EEF1AKMT1: variants seen among roughly 807,000 people sequenced by gnomAD.
EEF1AKMT1 encodes EEF1A lysine methyltransferase 1, also known as N-6 adenine-specific DNA methyltransferase 2 (putative).
EEF1AKMT1 carries 18 observed loss-of-function variants against 21.0 expected under a neutral mutation model. That is an observed-to-expected ratio of 0.86 (90% confidence interval 0.59 to 1.27). EEF1AKMT1 has a LOEUF of 1.27. Ranked by LOEUF, EEF1AKMT1 falls within the 50% of genes most tolerant of loss-of-function variation. EEF1AKMT1 has a pLI of 0.00. For missense variants in EEF1AKMT1, 246 were observed against 258.6 expected (o/e 0.95, Z 0.33); for synonymous variants, 109 against 94.8 (o/e 1.15, Z -0.87).
At chr13:20,757,378 C>G in intron 2 of EEF1AKMT1, 77 bp downstream of exon 2, 1 of 1,524,620 alleles carries the variant, frequency 6.6e-7, no homozygotes, top group South Asian at 1.2e-5. Flanking sequence ...TTAGGTGAGA[C>G]AGACAAACAC....
intron 2 of EEF1AKMT1, among the ~76,000 whole-genome samples, chr13:20,755,675 T>C (rs2058968085): frequency 6.6e-6 from 1 of 152,240 alleles, no homozygotes; most frequent in Non-Finnish European, 1.5e-5. Flanking sequence ...ATTGGCTCAA[T>C]ATTTTGGTTC....
intron 2 of EEF1AKMT1, among the ~76,000 whole-genome samples, chr13:20,741,187 G>A (rs2058868580): frequency 6.6e-6 from 1 of 151,636 alleles, no homozygotes; most frequent in African/African-American, 2.4e-5. Context: ...GATGCCAGCA[G>A]GCCATCCTTT....
chr13:20,765,397 T>C (rs2141438231), intron 1 of EEF1AKMT1, among the ~76,000 whole-genome samples: 1 of 147,336 alleles, frequency 6.8e-6, no homozygotes, highest in South Asian at 2.1e-4. Context: ...TTCTGTTTCT[T>C]CCCTTGGGTT....
intron 2 of EEF1AKMT1, among the ~76,000 whole-genome samples, chr13:20,740,716 T>C (rs1357102339): frequency 1.3e-5 from 2 of 152,114 alleles, no homozygotes; most frequent in African/African-American, 4.8e-5. Flanking sequence ...GGCAGGAGAA[T>C]CGCTTGAACC....
At chr13:20,771,471 G>A (rs1377134643) in intron 1 of EEF1AKMT1, among the ~76,000 whole-genome samples, 1 of 152,078 alleles carries the variant, frequency 6.6e-6, no homozygotes, top group Non-Finnish European at 1.5e-5. Context: ...CACTGTTCTT[G>A]GTGATGAGTC....
At chr13:20,755,552 T>A (rs1218691056) in intron 2 of EEF1AKMT1, among the ~76,000 whole-genome samples, 2 of 152,214 alleles carry the variant, frequency 1.3e-5, no homozygotes, top group Non-Finnish European at 2.9e-5. Context: ...TCCTAATTGA[T>A]CCCTGTCAAG....
At chr13:20,765,075 C>T (rs1024168096) in intron 1 of EEF1AKMT1, among the ~76,000 whole-genome samples, 1 of 151,930 alleles carries the variant, frequency 6.6e-6, no homozygotes, top group Non-Finnish European at 1.5e-5. Flanking sequence ...GCCTGGTCAA[C>T]ATAACGAAAC....
At chr13:20,769,265 GA>G (rs1425171752) in intron 1 of EEF1AKMT1, 1 of 152,244 alleles carries the variant, frequency 6.6e-6, no homozygotes, top group African/African-American at 2.4e-5. Context: ...ACACATTCAG[GA>G]AACACCTTGC....
intron 4 of EEF1AKMT1, among the ~76,000 whole-genome samples, chr13:20,730,967 C>T (rs1244103466): frequency 6.6e-6 from 1 of 152,188 alleles, no homozygotes. Context: ...CAAGGGTCTG[C>T]CGCTTCTTTC....
Position 20,757,473 on chromosome 13 carries a change from T to G in EEF1AKMT1, c.126A>C (p.Gly42=), listed in dbSNP as rs767938869. ...TACTTACCCAATTCTCTTCTATTAT[T>G]CCAATGTTATATTTATCATCCTCGC... The part of the protein sequence containing the change: ...EPGEDDKYNI[G]IIEENWQLSQ... The change falls in exon 2 of 5, where the codon GGA becomes GGC. Residue 42 remains glycine (G), a synonymous_variant. Transcript: ENST00000382758. 1.9e-6 allele frequency: 3 copies of G among 1,614,130 alleles called. No individual in the cohort carries two copies. The South Asian group carries it at 3.3e-5, about 18-fold the overall frequency.
intron 1 of EEF1AKMT1, among the ~76,000 whole-genome samples, chr13:20,767,259 T>C (rs1434538038): frequency 1.4e-5 from 2 of 139,098 alleles, no homozygotes; most frequent in Non-Finnish European, 3.0e-5. Context: ...CGAGCCTAGA[T>C]CTTGCCACTG....
At chr13:20,735,356 G>C (rs1187823333) in intron 3 of EEF1AKMT1, among the ~76,000 whole-genome samples, 1 of 152,192 alleles carries the variant, frequency 6.6e-6, no homozygotes, top group East Asian at 1.9e-4. Flanking sequence ...CAGAAAACTG[G>C]AGGAGTGTTG....
chr13:20,754,695 A>T (rs963607834), intron 2 of EEF1AKMT1, among the ~76,000 whole-genome samples: 1 of 150,284 alleles, frequency 6.7e-6, no homozygotes, highest in African/African-American at 2.5e-5. Context: ...GATCATTTCA[A>T]GGCCAGCCTG....
At chr13:20,750,113 A>G (rs2058932581) in intron 2 of EEF1AKMT1, among the ~76,000 whole-genome samples, 2 of 152,074 alleles carry the variant, frequency 1.3e-5, no homozygotes, top group African/African-American at 4.8e-5. Context: ...GATACATGTG[A>G]TATTTTGTTA....
chr13:20,762,082 G>A (rs1198868682), intron 1 of EEF1AKMT1, among the ~76,000 whole-genome samples: 1 of 151,844 alleles, frequency 6.6e-6, no homozygotes. Context: ...CTGGGTAACA[G>A]AACGAGAACC....
chr13:20,772,262 T>C (rs748074886), intron 1 of EEF1AKMT1, among the ~76,000 whole-genome samples: 1 of 152,184 alleles, frequency 6.6e-6, no homozygotes, highest in Non-Finnish European at 1.5e-5. Flanking sequence ...ATTTTAAAAC[T>C]TGTACCTATG....
intron 2 of EEF1AKMT1, among the ~76,000 whole-genome samples, chr13:20,751,672 C>CT (rs71087093): frequency 0.75 from 113,046 of 150,130 alleles, 44,033 homozygotes; most frequent in East Asian, 1. Context: ...AATTTCAGGA[C>CT]TTTTTTTTTT....
rs546275800 is a variant in EEF1AKMT1, at chr13:20,759,689, G to A, written c.-19-2072C>T. Among the ~76,000 whole-genome samples, 31 of 150,660 alleles carry A rather than the reference G, an allele frequency of 2.1e-4. 1 individual carries two copies. In the South Asian group the frequency reaches 6.0e-3, roughly 29 times the overall value. ...AAGTGGGCAAAGTACATGATTAATA[G>A]AAGGCATACAAGTGGCCAAGAAACA... On this transcript the variant is annotated intron_variant, in intron 1 of 4. Transcript: ENST00000382758.
intron 3 of EEF1AKMT1, among the ~76,000 whole-genome samples, chr13:20,734,779 G>A (rs943863917): frequency 6.6e-5 from 10 of 151,904 alleles, no homozygotes; most frequent in African/African-American, 2.2e-4. Flanking sequence ...TTTCAAAGGA[G>A]GTTAAAAGTT....
Sources: allele counts gnomAD v4.1 joint callset (sites outside exome capture counted in the v4.1 genomes callset), GRCh38; gene constraint gnomAD v4.1.1; transcripts MANE v1.5; gene names NCBI Gene and HGNC (gene_info 2026-07-23, HGNC 2026-07-21).